Variants in EPB41L2 observed in about 807,000 individuals in gnomAD.
The protein encoded by EPB41L2 is erythrocyte membrane protein band 4.1 like 2, also known as band 4.1-like protein 2.
In EPB41L2, 43 loss-of-function variants were observed where a neutral mutation model predicts 113.0. The ratio of observed to expected loss-of-function variants is 0.38; its 90% CI spans 0.30 to 0.49. EPB41L2 has a LOEUF of 0.49. EPB41L2 is among the 20% of genes least tolerant of loss of function. The probability of loss-of-function intolerance (pLI) is 0.95; values close to 1 mark genes in which losing one functional copy is unlikely to be tolerated. For missense variants in EPB41L2, 1,147 were observed against 1,223.4 expected (o/e 0.94, Z 0.93); for synonymous variants, 442 against 436.7 (o/e 1.01, Z -0.15).
intron 1 of EPB41L2, among the ~76,000 whole-genome samples, chr6:130,975,148 T>G (rs1777924413): frequency 1.3e-5 from 2 of 152,172 alleles, no homozygotes; most frequent in Non-Finnish European, 2.9e-5. Flanking sequence ...ACAAAATATA[T>G]AGGAAACATC....
intron 16 of EPB41L2, among the ~76,000 whole-genome samples, chr6:130,867,102 G>C (rs536199770): frequency 6.6e-6 from 1 of 152,104 alleles, no homozygotes; most frequent in Non-Finnish European, 1.5e-5. Context: ...ATTATTAATC[G>C]ATGAATTATA....
intron 1 of EPB41L2, among the ~76,000 whole-genome samples, chr6:131,049,726 G>GT (rs550219751): frequency 1.9e-3 from 285 of 152,304 alleles, no homozygotes; most frequent in African/African-American, 6.4e-3. Context: ...ACTTTTACTT[G>GT]TTTTTTCAGT....
At chr6:130,968,767 C>T (rs904854475) in intron 1 of EPB41L2, among the ~76,000 whole-genome samples, 40 of 151,068 alleles carry the variant, frequency 2.6e-4, no homozygotes, top group African/African-American at 8.5e-4. Flanking sequence ...ATTTCTACTC[C>T]GAGGATTCAC....
At chr6:131,043,632 A>G (rs192072794) in intron 1 of EPB41L2, among the ~76,000 whole-genome samples, 2 of 152,220 alleles carry the variant, frequency 1.3e-5, no homozygotes, top group African/African-American at 2.4e-5. Context: ...AGATTTGAAG[A>G]GACCTATCAC....
In EPB41L2 at chr6:130,956,068, T is replaced by C. The variant is rs1817339687; in HGVS notation, c.418A>G (p.Lys140Glu). ...EEMAQKKQEIKVEVKEEKPSV... is the reference protein window; with the variant it reads ...EEMAQKKQEIEVEVKEEKPSV... ...GGTTTTTCTTCCTTGACTTCAACTT[T>C]AATCTCTTGTTTCTTCTGAGCCATT... Residue 140 changes from lysine (K) to glutamate (E), a missense_variant, in exon 2 of 20, where the codon AAA becomes GAA. Physicochemically the swap from Lys to Glu is moderately conservative, Grantham distance 56. Transcript: ENST00000337057. The C allele has an allele frequency of 1.9e-6, 3 of 1,614,176 alleles. No individual in the cohort carries two copies. Among genetic ancestry groups the C allele is most frequent in the Non-Finnish European group, 2.5e-6 (3 of 1,180,034 alleles).
At chr6:130,985,978 T>C (rs1562665220) in intron 1 of EPB41L2, among the ~76,000 whole-genome samples, 1 of 151,988 alleles carries the variant, frequency 6.6e-6, no homozygotes, top group Non-Finnish European at 1.5e-5. Context: ...ACCCATTCTA[T>C]AGGGCCTGAT....
At chr6:130,920,053 A>C (rs1454913154) in intron 4 of EPB41L2, among the ~76,000 whole-genome samples, 2 of 152,104 alleles carry the variant, frequency 1.3e-5, no homozygotes, top group African/African-American at 4.8e-5. Flanking sequence ...TTTATTCAAG[A>C]CTAATCCTCT....
chr6:130,859,742 T>A, intron 18 of EPB41L2, among the ~76,000 whole-genome samples: 2 of 129,722 alleles, frequency 1.5e-5, no homozygotes, highest in African/African-American at 2.8e-5. Context: ...TAAAAAAAGG[T>A]AAAGCTACCA....
At chr6:130,891,272 C>A (rs188365894) in intron 10 of EPB41L2, among the ~76,000 whole-genome samples, 1 of 151,880 alleles carries the variant, frequency 6.6e-6, no homozygotes, top group Non-Finnish European at 1.5e-5. Context: ...TTAAAGAACA[C>A]TATCATTTCA....
intron 14 of EPB41L2, 53 bp downstream of exon 14, chr6:130,878,051 G>A (rs1037800528): frequency 1.4e-5 from 21 of 1,496,198 alleles, no homozygotes; most frequent in Non-Finnish European, 1.9e-5. Flanking sequence ...AACAATTTAA[G>A]TTTTATTGAG....
intron 1 of EPB41L2, among the ~76,000 whole-genome samples, chr6:131,053,738 C>T (rs1797085705): frequency 6.6e-6 from 1 of 152,246 alleles, no homozygotes; most frequent in African/African-American, 2.4e-5. Context: ...CAACATTCTA[C>T]ATTTATGAGA....
intron 19 of EPB41L2, among the ~76,000 whole-genome samples, chr6:130,853,788 G>A (rs546676193): frequency 6.6e-6 from 1 of 152,334 alleles, no homozygotes; most frequent in South Asian, 2.1e-4. Flanking sequence ...CTGAAAAAGG[G>A]AGACGGAGCA....
intron 19 of EPB41L2, among the ~76,000 whole-genome samples, chr6:130,857,514 A>G (rs1252852262): frequency 6.6e-6 from 1 of 151,322 alleles, no homozygotes; most frequent in Admixed American, 6.6e-5. Context: ...ACAGTCAAAG[A>G]AATCTTTTCC....
intron 4 of EPB41L2, 98 bp downstream of exon 4, chr6:130,926,507 T>A (rs560581756): frequency 1.3e-5 from 11 of 874,882 alleles, no homozygotes; most frequent in Non-Finnish European, 2.0e-5. Context: ...AATAAACACC[T>A]AAGTTATTTT....
chr6:131,045,729 T>C (rs960336433), intron 1 of EPB41L2, among the ~76,000 whole-genome samples: 2 of 152,220 alleles, frequency 1.3e-5, no homozygotes, highest in Non-Finnish European at 2.9e-5. Context: ...GGTTTCCCTA[T>C]AAACTTCTGT....
At chr6:131,044,120 C>G (rs971218103) in intron 1 of EPB41L2, among the ~76,000 whole-genome samples, 1 of 148,608 alleles carries the variant, frequency 6.7e-6, no homozygotes, top group African/African-American at 2.5e-5. Flanking sequence ...CTCCTGAGCT[C>G]AGGAGATTCT....
chr6:130,999,004 G>C (rs1259546701), intron 1 of EPB41L2, among the ~76,000 whole-genome samples: 1 of 152,034 alleles, frequency 6.6e-6, no homozygotes, highest in Non-Finnish European at 1.5e-5. Context: ...TATCATTCTG[G>C]AGGTAAGAGC....
At chr6:131,029,391 TAAAAAAAAAAAAAA>T (rs757528439) in intron 1 of EPB41L2, among the ~76,000 whole-genome samples, 1 of 119,466 alleles carries the variant, frequency 8.4e-6, no homozygotes, top group East Asian at 2.5e-4. Context: ...AGCATTTGTT[TAAAAAAAAAAAAAA>T]AAAAAAAAAG....
chr6:130,910,835 C>T (rs892610687), intron 4 of EPB41L2, among the ~76,000 whole-genome samples: 4 of 152,192 alleles, frequency 2.6e-5, no homozygotes, highest in Non-Finnish European at 5.9e-5. Context: ...CACCATCTCA[C>T]GCCAGTTAGA....
Sources: allele counts gnomAD v4.1 joint callset (sites outside exome capture counted in the v4.1 genomes callset), GRCh38; gene constraint gnomAD v4.1.1; transcripts MANE v1.5; gene names NCBI Gene and HGNC (gene_info 2026-07-23, HGNC 2026-07-21).